LONRF2: variants seen among roughly 807,000 people sequenced by gnomAD.
The protein encoded by LONRF2 is LON peptidase N-terminal domain and ring finger 2, also known as LON peptidase N-terminal domain and RING finger protein 2.
Under a neutral mutation model 66.6 loss-of-function variants are expected in LONRF2, and 35 were observed. The observed-to-expected ratio is 0.53, with a 90% confidence interval of 0.40 to 0.70. The LOEUF is 0.70. LONRF2 is among the 30% of genes least tolerant of loss of function. The pLI is 0.00. For missense variants in LONRF2, 902 were observed against 1,002.1 expected (o/e 0.90, Z 1.35); for synonymous variants, 417 against 418.1 (o/e 1.00, Z 0.03).
At chr2:100,295,328 G>T in intron 8 of LONRF2, 104 bp downstream of exon 8, 1 of 1,116,366 alleles carries the variant, frequency 9.0e-7, no homozygotes, top group Non-Finnish European at 1.3e-6. Flanking sequence ...TCCATTTACA[G>T]ACCAAGAGAG....
rs891407695 is a variant in LONRF2 at position 100,295,343 on chromosome 2, C to T, written c.1598+89G>A. On this transcript the variant is annotated intron_variant, in intron 8 of 11. Transcript: ENST00000393437. Reference sequence around the variant, plus strand: ...TCCATTTACAGACCAAGAGAGTTCTCTGCCATGAAAAGAAAATCTGAGGTG... The same window carrying T: ...TCCATTTACAGACCAAGAGAGTTCTTTGCCATGAAAAGAAAATCTGAGGTG... The T allele has an allele frequency of 3.8e-6, 5 of 1,323,082 alleles. No individual in the cohort carries two copies. The African/African-American group carries it at 7.5e-5, about 20-fold the overall frequency. The allele number at this position is 1,323,082 out of a possible 1,614,324, so 82.0% of individuals were successfully genotyped here.
At chr2:100,292,230 C>T (rs188362049) in intron 9 of LONRF2, among the ~76,000 whole-genome samples, 2 of 152,294 alleles carry the variant, frequency 1.3e-5, no homozygotes, top group East Asian at 1.9e-4. Context: ...CCAGCAGAGG[C>T]CTCCAGACAA....
chr2:100,292,006 T>C (rs538241335), intron 9 of LONRF2, among the ~76,000 whole-genome samples: 5 of 152,214 alleles, frequency 3.3e-5, no homozygotes, highest in Non-Finnish European at 7.3e-5. Context: ...CTCATGGCAG[T>C]GTGATTCTAA....
intron 2 of LONRF2, among the ~76,000 whole-genome samples, chr2:100,305,407 G>C (rs929381262): frequency 6.6e-6 from 1 of 152,116 alleles, no homozygotes; most frequent in Non-Finnish European, 1.5e-5. Context: ...CCCTGTTAAT[G>C]TCATTTTAAT....
At position 100,272,627 on chromosome 2, in the gene LONRF2, T is replaced by C. The variant is rs572410584; in HGVS notation, c.*11671A>G. Among the ~76,000 whole-genome samples the C allele has an allele frequency of 1.3e-5, 1 of 75,100 alleles. No individual in the cohort carries two copies. Among genetic ancestry groups the C allele is most frequent in the East Asian group, 3.0e-4 (1 of 3,350 alleles). 49.3% of individuals were successfully genotyped at this position (75,100 alleles called of 152,430 possible). A position where few individuals can be genotyped will look rare whatever the true frequency, so the allele number is the denominator to read the frequency against. On this transcript the variant is annotated 3_prime_UTR_variant, in exon 12 of 12. Transcript: ENST00000393437. Reference sequence around the variant, plus strand: ...AAGTTAATAAAAATACTTTTCAGTATTTTGTAGAGTGTTATGCTGTTTTAA... The same window carrying C: ...AAGTTAATAAAAATACTTTTCAGTACTTTGTAGAGTGTTATGCTGTTTTAA...
chr2:100,320,305 T>C (rs1234504284), intron 1 of LONRF2, among the ~76,000 whole-genome samples: 1 of 152,194 alleles, frequency 6.6e-6, no homozygotes, highest in East Asian at 1.9e-4. Context: ...CTAAAAAATA[T>C]GCCTGTTAAA....
chr2:100,296,878 G>C (rs2105722436), intron 7 of LONRF2, among the ~76,000 whole-genome samples: 1 of 152,302 alleles, frequency 6.6e-6, no homozygotes, highest in East Asian at 1.9e-4. Context: ...GTCCCTGGTA[G>C]TGCATGCAAA....
At position 100,299,815 on chromosome 2, in the gene LONRF2, A is replaced by T; in HGVS notation, c.1169T>A (p.Ile390Asn). Residue 390 changes from isoleucine (I) to asparagine (N), a missense_variant, in exon 5 of 12, where the codon ATC becomes AAC. Ile to Asn is a moderately radical substitution (Grantham distance 149). Transcript: ENST00000393437. ...GCCAGCGCTGGGTGCTGTTGGAAGG[A>T]TGCTTTCTAACGCCTTTTTATCCTC... ...FEEDKKALESILPTAPSAGLK... is the reference protein window; with the variant it reads ...FEEDKKALESNLPTAPSAGLK... 6.2e-7 allele frequency: 1 copy of T among 1,613,732 alleles called. No homozygotes were observed. Among genetic ancestry groups the T allele is most frequent in the Non-Finnish European group, 8.5e-7 (1 of 1,179,740 alleles).
chr2:100,309,831 C>A (rs1675373575), intron 1 of LONRF2, among the ~76,000 whole-genome samples: 2 of 152,090 alleles, frequency 1.3e-5, no homozygotes, highest in African/African-American at 2.4e-5. Context: ...TGCCACCACG[C>A]CCGGCTAATT....
chr2:100,322,099 C>T lies in LONRF2; in HGVS notation c.-6G>A, dbSNP rs1211001886. ...GGGACCGGCTCGGGGCTCATCACCG[C>T]GGGGCTGCGACGACGCGGGTCCGGA... On this transcript the variant is annotated 5_prime_UTR_variant, in exon 1 of 12. Transcript: ENST00000393437. The T allele has an allele frequency of 1.6e-6, 2 of 1,253,772 alleles. No homozygotes were observed. Among genetic ancestry groups the T allele is most frequent in the East Asian group, 3.2e-5 (1 of 31,328 alleles). 77.7% of individuals were successfully genotyped at this position (1,253,772 alleles called of 1,614,324 possible). A position where few individuals can be genotyped will look rare whatever the true frequency, so the allele number is the denominator to read the frequency against.
rs1415696716 is a variant in LONRF2, at chr2:100,321,474, A to AGG, written c.618_619dup (p.Leu207ProfsTer37). On this transcript the variant is annotated frameshift_variant, in exon 1 of 12. Transcript: ENST00000393437. LOFTEE classifies it high-confidence loss of function. ...GGCCTCCGGCTGCTGCTGGCGCTGCAGGCTCCGCGCCTGGCCTGCCAGCCT... is the reference window on the plus strand; with the variant it reads ...GGCCTCCGGCTGCTGCTGGCGCTGCAGGGGCTCCGCGCCTGGCCTGCCAGCCT... The AGG allele has an allele frequency of 6.6e-7, 1 of 1,512,860 alleles. No homozygotes were observed. The highest frequency in any genetic ancestry group is 8.8e-7 in the Non-Finnish European group (1 of 1,142,250). The allele number at this position is 1,512,860 out of a possible 1,614,324, so 93.7% of individuals were successfully genotyped here.
chr2:100,303,646 G>C (rs1675230147), intron 2 of LONRF2, among the ~76,000 whole-genome samples: 1 of 152,116 alleles, frequency 6.6e-6, no homozygotes, highest in Admixed American at 6.5e-5. Flanking sequence ...ATGTCAACCA[G>C]CTTCCACAGT....
At chr2:100,311,357 GA>G (rs5832906) in intron 1 of LONRF2, among the ~76,000 whole-genome samples, 83 of 150,796 alleles carry the variant, frequency 5.5e-4, no homozygotes, top group Admixed American at 3.4e-3. Flanking sequence ...AGGAGATTTG[GA>G]AAAAAAAATT....
chr2:100,300,775 C>G lies in LONRF2; in HGVS notation c.934G>C (p.Val312Leu), dbSNP rs750972442. The change falls in exon 4 of 12, where the codon GTG (valine) becomes CTG (leucine). Residue 312 changes from valine (V) to leucine (L), a missense_variant. Physicochemically the swap from Val to Leu is conservative, Grantham distance 32. Coordinates refer to ENST00000393437, the MANE Select transcript of LONRF2 (RefSeq NM_198461.4). ...ACATTTGCTGTAGCTGAAAACAGCA[C>G]TTCACACATTACCTATAAAATTGCC... ...KKEAQKVMCE[V>L]LFSATANVHE... The G allele has an allele frequency of 6.3e-7, 1 of 1,597,666 alleles. No individual in the cohort carries two copies. Among genetic ancestry groups the G allele is most frequent in the Admixed American group, 1.8e-5 (1 of 55,180 alleles).
At position 100,295,455 on chromosome 2, in the gene LONRF2, A is replaced by G. The variant is rs757535402; in HGVS notation, c.1575T>C (p.Asp525=). 20 of 1,613,906 alleles carry G rather than the reference A, an allele frequency of 1.2e-5. No individual in the cohort carries two copies. In the East Asian group the frequency reaches 4.5e-4, roughly 36 times the overall value. Residue 525 remains aspartate (D), a synonymous_variant, in exon 8 of 12, where the codon GAT becomes GAC. Coordinates refer to ENST00000393437, the MANE Select transcript of LONRF2 (RefSeq NM_198461.4). ...ACTTTGACAGTTCTGACATTTCTTCATCATAAATTCTCTTCCTATCAGACA... is the reference window on the plus strand; with the variant it reads ...ACTTTGACAGTTCTGACATTTCTTCGTCATAAATTCTCTTCCTATCAGACA... The part of the protein sequence containing the change: ...DELSDRKRIY[D]EEMSELSNLT...
intron 1 of LONRF2, among the ~76,000 whole-genome samples, chr2:100,311,474 C>T (rs1675407846): frequency 6.6e-6 from 1 of 152,008 alleles, no homozygotes; most frequent in Non-Finnish European, 1.5e-5. Context: ...TTCCACTTGG[C>T]TACAGTTTCT....
In LONRF2 at chr2:100,322,126, C is replaced by G. The variant is rs569292381; in HGVS notation, c.-33G>C. The G allele has an allele frequency of 7.5e-5, 93 of 1,236,688 alleles. No homozygotes were observed. The African/African-American group carries it at 1.2e-3, about 16-fold the overall frequency. 76.6% of individuals were successfully genotyped at this position (1,236,688 alleles called of 1,614,324 possible). A position where few individuals can be genotyped will look rare whatever the true frequency, so the allele number is the denominator to read the frequency against. On this transcript the variant is annotated 5_prime_UTR_variant, in exon 1 of 12. Coordinates refer to ENST00000393437, the MANE Select transcript of LONRF2 (RefSeq NM_198461.4). ...GGGCTGCGACGACGCGGGTCCGGAGCGAAGGCGCGGAGCAGGGAGGATGCG... is the reference window on the plus strand; with the variant it reads ...GGGCTGCGACGACGCGGGTCCGGAGGGAAGGCGCGGAGCAGGGAGGATGCG...
rs1553542133 is a variant in LONRF2, at chr2:100,316,335, A to AAAG, written c.679+5079_679+5080insCTT. 2.1e-3 allele frequency among the ~76,000 whole-genome samples: 232 copies of AAAG among 113,030 alleles called. 1 individual carries two copies. Among genetic ancestry groups the AAAG allele is most frequent in the Middle Eastern group, 0.012 (3 of 248 alleles). 74.2% of individuals were successfully genotyped at this position (113,030 alleles called of 152,430 possible). A position where few individuals can be genotyped will look rare whatever the true frequency, so the allele number is the denominator to read the frequency against. ...CTCCATCTCAAAAAAAAAAAAAAAA[A>AAAG]AAAGAAAGAAAATTTTCTAATAATT... On this transcript the variant is annotated intron_variant, in intron 1 of 11. Coordinates refer to ENST00000393437, the MANE Select transcript of LONRF2 (RefSeq NM_198461.4).
chr2:100,296,184 T>A (rs1467339506), intron 7 of LONRF2, among the ~76,000 whole-genome samples: 1 of 152,114 alleles, frequency 6.6e-6, no homozygotes, highest in East Asian at 1.9e-4. Flanking sequence ...GCTGAACTAC[T>A]ACTCTGCGTG....
Sources: allele counts gnomAD v4.1 joint callset (sites outside exome capture counted in the v4.1 genomes callset), GRCh38; gene constraint gnomAD v4.1.1; transcripts MANE v1.5; gene names NCBI Gene and HGNC (gene_info 2026-07-23, HGNC 2026-07-21).